Variants in GLB1 observed in about 807,000 individuals in gnomAD.
GLB1 encodes galactosidase beta 1.
A neutral mutation model predicts 74.0 loss-of-function variants in GLB1; 56 were observed. The ratio of observed to expected loss-of-function variants is 0.76; its 90% CI spans 0.61 to 0.94. The LOEUF (loss-of-function observed/expected upper bound fraction) is 0.94, where lower values mean the gene tolerates loss of function less well. GLB1 is among the 40% of genes least tolerant of loss of function. The probability of loss-of-function intolerance (pLI) is 0.00; values close to 1 mark genes in which losing one functional copy is unlikely to be tolerated. For missense variants in GLB1, 787 were observed against 845.5 expected (o/e 0.93, Z 0.86); for synonymous variants, 323 against 323.6 (o/e 1.00, Z 0.02).
intron 11 of GLB1, among the ~76,000 whole-genome samples, chr3:33,021,935 T>C (rs1697504229): frequency 6.6e-6 from 1 of 152,184 alleles, no homozygotes. Context: ...AAAAGATTCT[T>C]AAAATGAATG....
At chr3:32,982,792 A>G in the GLB1 span, among the ~76,000 whole-genome samples, 1 of 152,124 alleles carries the variant, frequency 6.6e-6, no homozygotes, top group Admixed American at 6.5e-5. Flanking sequence ...ACTTTAGTGT[A>G]CCCTTCAGTG....
intron 12 of GLB1, among the ~76,000 whole-genome samples, chr3:33,020,011 T>C (rs995979674): frequency 1.2e-4 from 18 of 152,128 alleles, no homozygotes; most frequent in African/African-American, 3.9e-4. Flanking sequence ...GAAAGAACAA[T>C]GGCTGCACGT....
chr3:33,033,952 C>G, intron 10 of GLB1: 1 of 554,674 alleles, frequency 1.8e-6, no homozygotes, highest in Admixed American at 1.9e-5. Context: ...GCCTGGCAAC[C>G]TGCTCATCAG....
At chr3:33,089,454 C>T (rs1010979118) in intron 1 of GLB1, among the ~76,000 whole-genome samples, 3 of 152,068 alleles carry the variant, frequency 2.0e-5, no homozygotes, top group African/African-American at 7.2e-5. Context: ...TAAAGATAGG[C>T]AAAGGACTTG....
chr3:33,081,903 G>A (rs1700336546), intron 1 of GLB1, among the ~76,000 whole-genome samples: 1 of 152,224 alleles, frequency 6.6e-6, no homozygotes, highest in African/African-American at 2.4e-5. Flanking sequence ...ACAACTGCAT[G>A]GAAAATTGAG....
chr3:33,091,315 C>A (rs1700750402), intron 1 of GLB1: 1 of 985,624 alleles, frequency 1.0e-6, no homozygotes, highest in Non-Finnish European at 1.2e-6. Flanking sequence ...CAGAACCCCA[C>A]TATACACCAG....
intron 5 of GLB1, 130 bp from the exon 6 acceptor site, chr3:33,058,399 C>T: frequency 7.4e-7 from 1 of 1,350,264 alleles, no homozygotes; most frequent in Non-Finnish European, 1.0e-6. Context: ...GGAAAAATTT[C>T]CTTCACTCAG....
intron 1 of GLB1, among the ~76,000 whole-genome samples, chr3:33,086,405 T>C (rs553605486): frequency 7.8e-4 from 118 of 152,040 alleles, no homozygotes; most frequent in African/African-American, 2.7e-3. Flanking sequence ...AGCCAGTAAA[T>C]GCAGGAAAAA....
Position 33,054,028 on chromosome 3 carries a change from A to G in GLB1, c.734-479T>C, listed in dbSNP as rs200907493. On this transcript the variant is annotated intron_variant, in intron 6 of 15. Coordinates refer to ENST00000307363, the MANE Select transcript of GLB1 (RefSeq NM_000404.4). ...ACTCCATCTCAAAAATATTTTTTTT[A>G]TTAAAAAAAATAATAATAATAAATA... Among the ~76,000 whole-genome samples the G allele has an allele frequency of 4.1e-5, 6 of 146,674 alleles. No homozygotes were observed. The East Asian group carries it at 1.6e-3, about 40-fold the overall frequency.
At chr3:33,065,706 G>A (rs1029793934) in intron 4 of GLB1, 149 bp from the exon 5 acceptor site, 31 of 891,088 alleles carry the variant, frequency 3.5e-5, no homozygotes, top group Middle Eastern at 3.6e-4. Flanking sequence ...GGTGGCTCAC[G>A]CCTGTAATCC....
At chr3:32,963,248 CTTGATTCA>C in the GLB1 span, among the ~76,000 whole-genome samples, 1 of 151,966 alleles carries the variant, frequency 6.6e-6, no homozygotes, top group Non-Finnish European at 1.5e-5. Context: ...AAAAATTAAG[CTTGATTCA>C]TATGTCACAC....
chr3:33,060,678 T>TA (rs61111896), intron 5 of GLB1, among the ~76,000 whole-genome samples: 19,068 of 152,166 alleles, frequency 0.13, 1,472 homozygotes, highest in East Asian at 0.39. Flanking sequence ...AACAGGCTTG[T>TA]AAAAAATGCG....
At chr3:32,965,576 A>G in the GLB1 span, among the ~76,000 whole-genome samples, 3 of 152,204 alleles carry the variant, frequency 2.0e-5, no homozygotes, top group Non-Finnish European at 4.4e-5. Flanking sequence ...TTAATAGAAA[A>G]GAAAAAAAAA....
intron 5 of GLB1, among the ~76,000 whole-genome samples, chr3:33,063,132 A>C (rs1040316563): frequency 2.0e-5 from 3 of 152,218 alleles, no homozygotes; most frequent in African/African-American, 7.2e-5. Flanking sequence ...TAGGACAACC[A>C]TGAAAGATGA....
intron 5 of GLB1, among the ~76,000 whole-genome samples, chr3:33,059,288 C>T (rs1454441791): frequency 8.0e-6 from 1 of 125,618 alleles, no homozygotes; most frequent in Non-Finnish European, 1.7e-5. Context: ...CACACACACA[C>T]ACAGAGCAAA....
the GLB1 span, among the ~76,000 whole-genome samples, chr3:32,990,194 T>C: frequency 6.6e-6 from 1 of 152,178 alleles, no homozygotes; most frequent in Admixed American, 6.5e-5. Flanking sequence ...AGATGCTGCC[T>C]CCCTCTGAGA....
At chr3:33,073,857 C>A (rs1318301640) in intron 1 of GLB1, among the ~76,000 whole-genome samples, 1 of 151,498 alleles carries the variant, frequency 6.6e-6, no homozygotes, top group East Asian at 1.9e-4. Flanking sequence ...AAAAAACAAA[C>A]AAACAAACAA....
At chr3:33,064,880 T>C (rs1022620987) in intron 5 of GLB1, among the ~76,000 whole-genome samples, 2 of 150,516 alleles carry the variant, frequency 1.3e-5, no homozygotes, top group Admixed American at 6.6e-5. Flanking sequence ...CACCAAAAAC[T>C]GTTAAAGTTC....
At chr3:33,068,721 T>C (rs1327429853) in intron 3 of GLB1, 99 bp downstream of exon 3, 7 of 1,602,596 alleles carry the variant, frequency 4.4e-6, no homozygotes, top group East Asian at 4.5e-5. Flanking sequence ...CCAGGCCCCA[T>C]GCTCTCTGGA....
Sources: gnomAD v4.1 joint callset for allele counts (sites outside exome capture counted in the v4.1 genomes callset) on GRCh38, gnomAD v4.1.1 for gene constraint, MANE v1.5 for transcripts, NCBI Gene and HGNC (gene_info 2026-07-23, HGNC 2026-07-21) for gene names.